PPP6R2: variants seen among roughly 807,000 people sequenced by gnomAD.
The protein encoded by PPP6R2 is serine/threonine-protein phosphatase 6 regulatory subunit 2.
In PPP6R2, 62 loss-of-function variants were observed where a neutral mutation model predicts 100.2. The ratio of observed to expected loss-of-function variants is 0.62; its 90% confidence interval spans 0.50 to 0.76. PPP6R2 has a LOEUF of 0.76. Ranked by LOEUF, PPP6R2 falls within the 30% of genes least tolerant of loss-of-function variation. The pLI, the probability that PPP6R2 is intolerant of heterozygous loss-of-function variation, is 0.00. For synonymous variants in PPP6R2, 525 were observed against 514.7 expected (o/e 1.02, Z -0.27); for missense variants, 1,142 against 1,276.3 (o/e 0.89, Z 1.60).
chr22:50,397,006 G>A (rs536138709), intron 3 of PPP6R2, among the ~76,000 whole-genome samples: 26 of 152,136 alleles, frequency 1.7e-4, no homozygotes, highest in Non-Finnish European at 3.4e-4. Flanking sequence ...GACAGGTATG[G>A]GGCAAGGAGA....
chr22:50,432,208 G>C, intron 11 of PPP6R2, 57 bp from the exon 12 acceptor site: 4 of 1,458,698 alleles, frequency 2.7e-6, no homozygotes, highest in Non-Finnish European at 3.8e-6. Flanking sequence ...GATGGGTGGA[G>C]GGGTGCGTGC....
chr22:50,363,263 C>G (rs1313907797), intron 1 of PPP6R2, among the ~76,000 whole-genome samples: 1 of 152,194 alleles, frequency 6.6e-6, no homozygotes, highest in African/African-American at 2.4e-5. Flanking sequence ...AGCTTCCTTC[C>G]TTACACTTAG....
At chr22:50,370,486 A>G (rs534875436) in intron 1 of PPP6R2, among the ~76,000 whole-genome samples, 359 of 150,816 alleles carry the variant, frequency 2.4e-3, no homozygotes, top group Non-Finnish European at 3.5e-3. Flanking sequence ...ATGGGGTTTC[A>G]CTATGTTGGC....
At chr22:50,359,190 C>T (rs983707327) in intron 1 of PPP6R2, among the ~76,000 whole-genome samples, 3 of 147,504 alleles carry the variant, frequency 2.0e-5, no homozygotes, top group African/African-American at 5.0e-5. Context: ...AGTAGAGACA[C>T]GGTTTCATCC....
intron 3 of PPP6R2, among the ~76,000 whole-genome samples, chr22:50,394,387 A>G (rs1258356274): frequency 6.6e-6 from 1 of 151,560 alleles, no homozygotes; most frequent in Non-Finnish European, 1.5e-5. Flanking sequence ...TTGAGCCCAG[A>G]AATTTGAGAC....
intron 2 of PPP6R2, among the ~76,000 whole-genome samples, chr22:50,375,361 C>T (rs1180153308): frequency 6.6e-6 from 1 of 152,136 alleles, no homozygotes; most frequent in Non-Finnish European, 1.5e-5. Flanking sequence ...AATTTAAACA[C>T]CATAGAATGG....
upstream of PPP6R2, among the ~76,000 whole-genome samples, chr22:50,339,743 T>C (rs2042348325): frequency 8.2e-6 from 1 of 121,584 alleles, no homozygotes; most frequent in Non-Finnish European, 1.6e-5. Flanking sequence ...GTGTGGTATA[T>C]AGTATGTGGT....
At chr22:50,411,599 C>G (rs1356771057) in intron 4 of PPP6R2, among the ~76,000 whole-genome samples, 1 of 151,038 alleles carries the variant, frequency 6.6e-6, no homozygotes, top group African/African-American at 2.4e-5. Context: ...ACTAAAAATA[C>G]AAAAATTAGC....
intron 12 of PPP6R2, among the ~76,000 whole-genome samples, chr22:50,433,439 C>T (rs1381340495): frequency 2.8e-5 from 2 of 71,572 alleles, no homozygotes; most frequent in Admixed American, 1.5e-4. Flanking sequence ...GGGCAGGGGC[C>T]GGGCACTTGC....
At chr22:50,389,932 T>C (rs543640227) in intron 2 of PPP6R2, among the ~76,000 whole-genome samples, 16 of 151,738 alleles carry the variant, frequency 1.1e-4, no homozygotes, top group Non-Finnish European at 1.3e-4. Context: ...TGGGGAGAGC[T>C]GATAGAAACA....
chr22:50,444,125 G>A lies in PPP6R2; in HGVS notation c.2831+8G>A. ...GACAGTGACAAAGGACGGGTGAGCA[G>A]GTTGAGTGTGGGGGTAGGGGGTGTG... On this transcript the variant is annotated splice_region_variant and intron_variant, in intron 23 of 23. Transcript: ENST00000612753. The A allele has an allele frequency of 1.9e-6, 3 of 1,611,848 alleles. No individual in the cohort carries two copies. The highest frequency in any genetic ancestry group is 2.5e-6 in the Non-Finnish European group (3 of 1,178,464).
chr22:50,377,630 G>C (rs139128192), intron 2 of PPP6R2, among the ~76,000 whole-genome samples: 3 of 152,276 alleles, frequency 2.0e-5, no homozygotes, highest in Non-Finnish European at 2.9e-5. Context: ...TTTACTTAAT[G>C]TTCTGTAAAG....
intron 2 of PPP6R2, among the ~76,000 whole-genome samples, chr22:50,388,026 G>A (rs1397299354): frequency 1.3e-5 from 2 of 152,070 alleles, no homozygotes; most frequent in African/African-American, 2.4e-5. Context: ...ACAGTGGCTG[G>A]GCGCCAGTGG....
At chr22:50,363,916 G>A (rs1345119585) in intron 1 of PPP6R2, among the ~76,000 whole-genome samples, 4 of 148,822 alleles carry the variant, frequency 2.7e-5, no homozygotes, top group Non-Finnish European at 4.5e-5. Flanking sequence ...TTTTTGAGAC[G>A]GAGTTTTTGC....
chr22:50,394,360 T>G (rs2056286916), intron 3 of PPP6R2, among the ~76,000 whole-genome samples: 1 of 150,636 alleles, frequency 6.6e-6, no homozygotes, highest in African/African-American at 2.4e-5. Context: ...TTTGGGAGGC[T>G]GAGGAGGTTG....
At chr22:50,403,668 C>G (rs889960681) in intron 3 of PPP6R2, among the ~76,000 whole-genome samples, 4 of 152,228 alleles carry the variant, frequency 2.6e-5, no homozygotes, top group Non-Finnish European at 5.9e-5. Flanking sequence ...TGCCCTGACC[C>G]TACTCCATCG....
chr22:50,416,801 T>A (rs941295759), intron 6 of PPP6R2, among the ~76,000 whole-genome samples: 2 of 151,718 alleles, frequency 1.3e-5, no homozygotes, highest in Non-Finnish European at 2.9e-5. Flanking sequence ...CTGTCTCTAC[T>A]AAAAATTAGC....
upstream of PPP6R2, among the ~76,000 whole-genome samples, chr22:50,341,365 G>T (rs1355279954): frequency 6.6e-6 from 1 of 152,040 alleles, no homozygotes; most frequent in Non-Finnish European, 1.5e-5. Context: ...CACCACACCT[G>T]GCTAGTTTTT....
At chr22:50,366,623 A>G (rs992732812) in intron 1 of PPP6R2, among the ~76,000 whole-genome samples, 1 of 152,060 alleles carries the variant, frequency 6.6e-6, no homozygotes, top group East Asian at 1.9e-4. Flanking sequence ...TTTTTGAGTG[A>G]TGCTTTCCCT....
Sources: gnomAD v4.1 joint callset for allele counts (sites outside exome capture counted in the v4.1 genomes callset) on GRCh38, gnomAD v4.1.1 for gene constraint, MANE v1.5 for transcripts, NCBI Gene and HGNC (gene_info 2026-07-23, HGNC 2026-07-21) for gene names.